The following CFAP221 variants were observed in gnomAD, a reference collection of about 807,000 sequenced individuals.
CFAP221 encodes the protein cilia- and flagella-associated protein 221.
A neutral mutation model predicts 113.1 loss-of-function variants in CFAP221; 97 were observed. That is an observed-to-expected ratio of 0.86 (90% CI 0.73 to 1.02). CFAP221 has a LOEUF of 1.02. Among genes scored for constraint, CFAP221 ranks in the 50% least tolerant of loss-of-function variants. The pLI is 0.00. For synonymous variants in CFAP221, 331 were observed against 354.4 expected (o/e 0.93, Z 0.74); for missense variants, 1,025 against 1,013.4 (o/e 1.01, Z -0.16).
chr2:119,585,035 AT>A (rs1158026122), intron 6 of CFAP221, among the ~76,000 whole-genome samples: 3 of 152,194 alleles, frequency 2.0e-5, no homozygotes, highest in Non-Finnish European at 4.4e-5. Flanking sequence ...AACAACCTAA[AT>A]GCCCATCAAC....
chr2:119,571,133 C>CTTTTTTTTTTTTT (rs34017847), intron 6 of CFAP221, among the ~76,000 whole-genome samples: 2 of 93,132 alleles, frequency 2.1e-5, no homozygotes, highest in East Asian at 3.1e-4. Context: ...TAACAACCCC[C>CTTTTTTTTTTTTT]TTTTTTTTTT....
At chr2:119,546,008 G>A in intron 1 of CFAP221, 77 bp from the exon 2 acceptor site, 3 of 1,064,252 alleles carry the variant, frequency 2.8e-6, no homozygotes, top group Non-Finnish European at 3.9e-6. Flanking sequence ...ACAGAGACGA[G>A]GTACATTTAT....
At chr2:119,559,188 A>G (rs1681039381) in intron 3 of CFAP221, among the ~76,000 whole-genome samples, 1 of 152,148 alleles carries the variant, frequency 6.6e-6, no homozygotes, top group Middle Eastern at 3.2e-3. Flanking sequence ...CCCACCCTCA[A>G]CTTCCTTTTC....
chr2:119,587,839 C>CA (rs1307135767), intron 7 of CFAP221, among the ~76,000 whole-genome samples: 3 of 152,106 alleles, frequency 2.0e-5, no homozygotes, highest in Non-Finnish European at 4.4e-5. Context: ...TCCGGGTATT[C>CA]ATTTGTTTAC....
Position 119,573,368 on chromosome 2 carries a change from T to C in CFAP221, c.527+11254T>C, listed in dbSNP as rs538474868. The C allele has an allele frequency of 2.6e-5, 4 of 152,306 alleles. No individual in the cohort carries two copies. In the East Asian group the frequency reaches 7.7e-4, roughly 29 times the overall value. 9.4% of individuals were successfully genotyped at this position (152,306 alleles called of 1,614,324 possible). On this transcript the variant is annotated intron_variant, in intron 6 of 23. Coordinates refer to ENST00000413369, the MANE Select transcript of CFAP221 (RefSeq NM_001271049.2). ...CTGCTTACTCATATGAGGGACTCAT[T>C]TTATGTGCCCCAAGCTTGAAGTTGA...
chr2:119,640,117 C>T (rs187632314), intron 21 of CFAP221, among the ~76,000 whole-genome samples: 135 of 151,766 alleles, frequency 8.9e-4, no homozygotes, highest in East Asian at 2.5e-3. Flanking sequence ...TACAAGTAGA[C>T]AACCATTCCA....
rs550330366 is a variant in CFAP221 at position 119,615,686 on chromosome 2, C to T, written c.1387C>T (p.Arg463Trp). 30 of 1,612,334 alleles carry T rather than the reference C, an allele frequency of 1.9e-5. No homozygotes were observed. Among genetic ancestry groups the T allele is most frequent in the East Asian group, 4.5e-5 (2 of 44,828 alleles). The change falls in exon 14 of 24, where the codon CGG becomes TGG. Residue 463 changes from arginine to tryptophan, a missense_variant. Arg to Trp is a moderately radical substitution (Grantham distance 101). Coordinates refer to ENST00000413369, the MANE Select transcript of CFAP221 (RefSeq NM_001271049.2). ...GCTCAGCAGGTCCAGGGCACAAAAA[C>T]GGTTTCAACAAGTAGCACGCAAGGT... ...TWLSRSRAQKRFQQVARKVMI... is the reference protein window; with the variant it reads ...TWLSRSRAQKWFQQVARKVMI...
intron 14 of CFAP221, among the ~76,000 whole-genome samples, chr2:119,623,647 A>G (rs1686094791): frequency 6.6e-6 from 1 of 152,254 alleles, no homozygotes; most frequent in Non-Finnish European, 1.5e-5. Flanking sequence ...CCAAAACAGC[A>G]TGGTACTGGT....
intron 6 of CFAP221, among the ~76,000 whole-genome samples, chr2:119,567,211 G>A (rs1681710870): frequency 6.6e-6 from 1 of 152,146 alleles, no homozygotes; most frequent in Admixed American, 6.5e-5. Context: ...TGTGGCATAT[G>A]TCCACCATTG....
At chr2:119,617,795 C>T (rs919794282) in intron 14 of CFAP221, among the ~76,000 whole-genome samples, 14 of 152,174 alleles carry the variant, frequency 9.2e-5, no homozygotes, top group African/African-American at 1.2e-4. Context: ...TGAAACCCTC[C>T]GAAGATGTTC....
intron 6 of CFAP221, among the ~76,000 whole-genome samples, chr2:119,586,382 C>T (rs1049608895): frequency 1.3e-5 from 2 of 152,098 alleles, no homozygotes; most frequent in African/African-American, 2.4e-5. Context: ...AAGGAGAGGA[C>T]ATTATGGGAA....
At chr2:119,618,861 G>A (rs1685698351) in intron 14 of CFAP221, among the ~76,000 whole-genome samples, 1 of 152,186 alleles carries the variant, frequency 6.6e-6, no homozygotes, top group African/African-American at 2.4e-5. Context: ...TGCCAGCACA[G>A]CAGTCTGAAG....
chr2:119,652,074 G>C lies in CFAP221; in HGVS notation c.2414+5G>C, dbSNP rs1181135674. On this transcript the variant is annotated splice_donor_5th_base_variant and intron_variant, in intron 23 of 23. Coordinates refer to ENST00000413369, the MANE Select transcript of CFAP221 (RefSeq NM_001271049.2). The stretch of plus-strand genomic sequence containing the variant: ...CAAGGACATCAGGAAGGAGAAGTAA[G>C]TGGATGCTTTTATGCCTTATTAAAA... The C allele has an allele frequency of 1.2e-6, 2 of 1,604,542 alleles. No individual in the cohort carries two copies. The highest frequency in any genetic ancestry group is 1.7e-6 in the Non-Finnish European group (2 of 1,172,048).
At chr2:119,593,577 C>T (rs555340467) in intron 7 of CFAP221, among the ~76,000 whole-genome samples, 2 of 152,222 alleles carry the variant, frequency 1.3e-5, no homozygotes, top group Admixed American at 6.5e-5. Context: ...TGGTGGCTTA[C>T]GCCTGTAATC....
chr2:119,629,525 C>T (rs1318548516), intron 16 of CFAP221, among the ~76,000 whole-genome samples: 1 of 152,180 alleles, frequency 6.6e-6, no homozygotes, highest in Admixed American at 6.5e-5. Flanking sequence ...GAGGCAGCCC[C>T]TGAAGAGGGC....
intron 14 of CFAP221, among the ~76,000 whole-genome samples, chr2:119,625,314 A>G (rs1245511169): frequency 1.3e-5 from 2 of 152,202 alleles, no homozygotes; most frequent in African/African-American, 4.8e-5. Flanking sequence ...CCACACTGGA[A>G]ATATGAGAAA....
chr2:119,638,883 A>T (rs1276816924), intron 20 of CFAP221, among the ~76,000 whole-genome samples: 1 of 151,990 alleles, frequency 6.6e-6, no homozygotes, highest in African/African-American at 2.4e-5. Context: ...CTTGAGGATT[A>T]TCCTCAGGCC....
chr2:119,549,945 G>A (rs1680305541), intron 3 of CFAP221, among the ~76,000 whole-genome samples: 1 of 152,224 alleles, frequency 6.6e-6, no homozygotes, highest in African/African-American at 2.4e-5. Flanking sequence ...GGTGGGCTCT[G>A]CCTTACTTCA....
chr2:119,584,262 A>G (rs1683045829), intron 6 of CFAP221, among the ~76,000 whole-genome samples: 1 of 152,170 alleles, frequency 6.6e-6, no homozygotes, highest in Non-Finnish European at 1.5e-5. Flanking sequence ...AGATACTTGC[A>G]ATGCATATAA....
Sources: allele counts gnomAD v4.1 joint callset (sites outside exome capture counted in the v4.1 genomes callset), GRCh38; gene constraint gnomAD v4.1.1; transcripts MANE v1.5; gene names NCBI Gene and HGNC (gene_info 2026-07-23, HGNC 2026-07-21).